The following JPH3 variants were observed in gnomAD, a reference collection of about 807,000 sequenced individuals.
JPH3 encodes junctophilin 3.
JPH3 carries 11 observed loss-of-function variants against 59.6 expected under a neutral mutation model. The observed-to-expected ratio is 0.18, with a 90% CI of 0.12 to 0.31. The LOEUF is 0.31. JPH3 is among the 10% of genes least tolerant of loss of function. JPH3 has a pLI of 1.00. For missense variants in JPH3, 1,202 were observed against 1,105.7 expected, an observed-to-expected ratio of 1.09 and a Z score of -1.24; for synonymous variants, 673 against 483.6, an observed-to-expected ratio of 1.39 and a Z score of -5.14.
chr16:87,668,248 G>A (rs1050961672), intron 2 of JPH3, among the ~76,000 whole-genome samples: 2 of 152,160 alleles, frequency 1.3e-5, no homozygotes, highest in South Asian at 2.1e-4. Context: ...GGCCGGAGCC[G>A]GCACATGCGT....
intron 1 of JPH3, among the ~76,000 whole-genome samples, chr16:87,614,208 C>T (rs1444645465): frequency 6.6e-6 from 1 of 152,148 alleles, no homozygotes; most frequent in Non-Finnish European, 1.5e-5. Context: ...CGCGTGTCCC[C>T]TCCCAGGATA....
chr16:87,604,036 T>C (rs538245056), intron 1 of JPH3: 435 of 965,868 alleles, frequency 4.5e-4, no homozygotes, highest in Non-Finnish European at 5.0e-4. Context: ...TGGGGAGCGC[T>C]AGGGGCGGGG....
chr16:87,651,020 T>A (rs2032311347), intron 2 of JPH3, among the ~76,000 whole-genome samples: 1 of 152,254 alleles, frequency 6.6e-6, no homozygotes, highest in South Asian at 2.1e-4. Flanking sequence ...AAGGACAGGC[T>A]GACTCTCTTG....
intron 4 of JPH3, chr16:87,695,130 A>G (rs1342550187): frequency 1.4e-5 from 5 of 357,232 alleles, no homozygotes; most frequent in Non-Finnish European, 2.7e-5. Context: ...CTGGGAGAGG[A>G]GCCAGCAGCA....
At chr16:87,669,794 G>A (rs77100659) in intron 2 of JPH3, among the ~76,000 whole-genome samples, 3 of 152,202 alleles carry the variant, frequency 2.0e-5, no homozygotes, top group Non-Finnish European at 2.9e-5. Flanking sequence ...CACTGCTGAC[G>A]TGAGTGCGGC....
rs371573447 is a variant in JPH3 at position 87,692,906 on chromosome 16, C to T, written c.2166+2380C>T. Among the ~76,000 whole-genome samples the T allele has an allele frequency of 8.5e-5, 13 of 152,344 alleles. No homozygotes were observed. In the South Asian group the frequency reaches 2.3e-3, roughly 27 times the overall value. ...GCAGAAGAGGTGCCACTGACCACCC[C>T]ACTCTGTCCTGCTACCCCACTACAG... On this transcript the variant is annotated intron_variant, in intron 4 of 4. Coordinates refer to ENST00000284262, the MANE Select transcript of JPH3 (RefSeq NM_020655.4).
chr16:87,641,496 G>T (rs536729873), intron 1 of JPH3, among the ~76,000 whole-genome samples: 5 of 152,300 alleles, frequency 3.3e-5, no homozygotes, highest in African/African-American at 1.2e-4. Context: ...AGTGGGACGA[G>T]GCTGAAGCTG....
At chr16:87,646,182 C>G (rs1361360471) in intron 2 of JPH3, among the ~76,000 whole-genome samples, 1 of 152,232 alleles carries the variant, frequency 6.6e-6, no homozygotes, top group Admixed American at 6.5e-5. Context: ...CTGGGTGCGG[C>G]TCAGCCCTTC....
chr16:87,605,874 C>G (rs1452597863), intron 1 of JPH3, among the ~76,000 whole-genome samples: 4 of 152,240 alleles, frequency 2.6e-5, no homozygotes, highest in African/African-American at 7.2e-5. Flanking sequence ...CGGTTCTTAG[C>G]TCTCCCATAA....
intron 1 of JPH3, among the ~76,000 whole-genome samples, chr16:87,634,399 G>A (rs1227765182): frequency 6.6e-6 from 1 of 152,186 alleles, no homozygotes; most frequent in Non-Finnish European, 1.5e-5. Flanking sequence ...TGTCAGAGCC[G>A]GGAATGGGGA....
chr16:87,652,401 G>T (rs1374444348), intron 2 of JPH3, among the ~76,000 whole-genome samples: 1 of 152,240 alleles, frequency 6.6e-6, no homozygotes, highest in East Asian at 1.9e-4. Context: ...TTAAAATTAA[G>T]ATTTGCAATT....
At chr16:87,619,296 G>A (rs1236876921) in intron 1 of JPH3, among the ~76,000 whole-genome samples, 6 of 142,730 alleles carry the variant, frequency 4.2e-5, no homozygotes, top group South Asian at 4.7e-4. Context: ...CTGGGTGACA[G>A]AGCGAGACCC....
In JPH3 at chr16:87,632,623, C is replaced by T. The variant is rs184294777; in HGVS notation, c.383-11635C>T. On this transcript the variant is annotated intron_variant, in intron 1 of 4. Coordinates refer to ENST00000284262, the MANE Select transcript of JPH3 (RefSeq NM_020655.4). The stretch of plus-strand genomic sequence containing the variant: ...TCAACAAAATTTTGGCTGGGTGCAG[C>T]GACTCACGCCTCTAATCCCAGCACT... 4.6e-5 allele frequency among the ~76,000 whole-genome samples: 7 copies of T among 152,238 alleles called. No individual in the cohort carries two copies. In the East Asian group the frequency reaches 1.2e-3, roughly 25 times the overall value.
intron 1 of JPH3, among the ~76,000 whole-genome samples, chr16:87,637,768 G>C (rs1331234377): frequency 6.6e-6 from 1 of 152,142 alleles, no homozygotes; most frequent in African/African-American, 2.4e-5. Context: ...GTGCCCCCGG[G>C]GTTGGCTTCT....
intron 1 of JPH3, among the ~76,000 whole-genome samples, chr16:87,641,571 C>A (rs1225625053): frequency 1.3e-5 from 2 of 152,238 alleles, no homozygotes; most frequent in Non-Finnish European, 2.9e-5. Flanking sequence ...TCCTGGTACC[C>A]CCCTTCTCCA....
chr16:87,623,691 G>A lies in JPH3; in HGVS notation c.382+20163G>A, dbSNP rs996490359. Reference sequence around the variant, plus strand: ...GGAGCCAAAGTGGTGCCTGAAATCTGAGGCCCCATCTCTGAGTCCTGCACT... The same window carrying A: ...GGAGCCAAAGTGGTGCCTGAAATCTAAGGCCCCATCTCTGAGTCCTGCACT... On this transcript the variant is annotated intron_variant, in intron 1 of 4. Transcript: ENST00000284262. Among the ~76,000 whole-genome samples the A allele has an allele frequency of 3.3e-5, 5 of 152,260 alleles. No homozygotes were observed. In the South Asian group the frequency reaches 1.0e-3, roughly 32 times the overall value.
At chr16:87,683,804 C>T in intron 2 of JPH3, 1 of 234,102 alleles carries the variant, frequency 4.3e-6, no homozygotes, top group Non-Finnish European at 8.3e-6. Flanking sequence ...CAGGCTTTTG[C>T]CATGTTGCCC....
chr16:87,661,284 C>A (rs960239321), intron 2 of JPH3, among the ~76,000 whole-genome samples: 3 of 152,236 alleles, frequency 2.0e-5, no homozygotes. Flanking sequence ...TCATCTCTCT[C>A]TTTCCTGATC....
intron 2 of JPH3, chr16:87,683,810 T>C: frequency 4.0e-6 from 1 of 247,422 alleles, no homozygotes; most frequent in Non-Finnish European, 7.7e-6. Context: ...TTTGCCATGT[T>C]GCCCAGGCTG....
Sources: gnomAD v4.1 joint callset for allele counts (sites outside exome capture counted in the v4.1 genomes callset) on GRCh38, gnomAD v4.1.1 for gene constraint, MANE v1.5 for transcripts, NCBI Gene and HGNC (gene_info 2026-07-23, HGNC 2026-07-21) for gene names.